Variants in MGRN1 observed in about 807,000 individuals in gnomAD.
MGRN1 encodes the protein E3 ubiquitin-protein ligase MGRN1.
A neutral mutation model predicts 69.2 loss-of-function variants in MGRN1; 29 were observed. That is an observed-to-expected ratio of 0.42 (90% confidence interval 0.31 to 0.57). MGRN1 has a LOEUF of 0.57. Among genes scored for constraint, MGRN1 ranks in the 20% least tolerant of loss-of-function variants. The pLI is 0.15. For synonymous variants in MGRN1, 470 were observed against 344.2 expected (o/e 1.37, Z -4.04); for missense variants, 998 against 796.2 (o/e 1.25, Z -3.05).
At chr16:4,671,495 A>C in intron 9 of MGRN1, 36 bp downstream of exon 9, 1 of 1,601,308 alleles carries the variant, frequency 6.2e-7, no homozygotes, top group Non-Finnish European at 8.6e-7. Flanking sequence ...CTGCCATTAC[A>C]GAAGCCCACA....
chr16:4,668,733 CACAT>C (rs1319937163), intron 8 of MGRN1, among the ~76,000 whole-genome samples: 1 of 150,936 alleles, frequency 6.6e-6, no homozygotes, highest in Non-Finnish European at 1.5e-5. Flanking sequence ...TATACATAGA[CACAT>C]ACTGATACAC....
chr16:4,651,451 G>A (rs538104055), intron 2 of MGRN1, among the ~76,000 whole-genome samples: 2 of 152,204 alleles, frequency 1.3e-5, no homozygotes, highest in South Asian at 2.1e-4. Context: ...GCCATGATAG[G>A]TGGGAAGGGG....
chr16:4,657,294 G>T lies in MGRN1; in HGVS notation c.492G>T (p.Lys164Asn). The change falls in exon 5 of 17, where the codon AAG (lysine) becomes AAT (asparagine). Residue 164 changes from lysine to asparagine, a missense_variant. Lys to Asn is a moderately conservative substitution (Grantham distance 94). Transcript: ENST00000262370. ...PSLQSETVHYKRGVSQQFSLP... is the reference protein window; with the variant it reads ...PSLQSETVHYNRGVSQQFSLP... ...TACAGTCCGAGACCGTCCACTACAA[G>T]AGAGGGGTGAGCCAGCAGTTCTCCC... The T allele has an allele frequency of 1.2e-6, 2 of 1,614,216 alleles. No homozygotes were observed. Among genetic ancestry groups the T allele is most frequent in the Non-Finnish European group, 8.5e-7 (1 of 1,180,002 alleles).
At position 4,657,229 on chromosome 16, in the gene MGRN1, C is replaced by T. The variant is rs906392369; in HGVS notation, c.444-17C>T. ...CTTCCTGCCGCAGCCTCACTGCTTGCTCCTGGCTCCCTGCAGATACAGCCC... is the reference window on the plus strand; with the variant it reads ...CTTCCTGCCGCAGCCTCACTGCTTGTTCCTGGCTCCCTGCAGATACAGCCC... On this transcript the variant is annotated splice_polypyrimidine_tract_variant and intron_variant, in intron 4 of 16. Transcript: ENST00000262370. 1 of 1,610,890 alleles carries T rather than the reference C, an allele frequency of 6.2e-7. No homozygotes were observed. The highest frequency in any genetic ancestry group is 8.5e-7 in the Non-Finnish European group (1 of 1,177,394).
At chr16:4,639,558 A>C (rs1261145507) in intron 1 of MGRN1, among the ~76,000 whole-genome samples, 3 of 152,210 alleles carry the variant, frequency 2.0e-5, no homozygotes, top group African/African-American at 7.2e-5. Context: ...GTTGTCTCCA[A>C]GGCCTGCCTA....
intron 5 of MGRN1, among the ~76,000 whole-genome samples, chr16:4,659,693 C>CT (rs1256199813): frequency 6.6e-6 from 1 of 152,278 alleles, no homozygotes; most frequent in Non-Finnish European, 1.5e-5. Context: ...GGGGCAGCTG[C>CT]TGCTGCGGGG....
intron 2 of MGRN1, 58 bp downstream of exon 2, chr16:4,650,541 G>A: frequency 7.4e-7 from 1 of 1,352,796 alleles, no homozygotes; most frequent in Non-Finnish European, 1.0e-6. Context: ...CCTGTCCCCA[G>A]CAGTCCGCAT....
rs754339979 is a variant in MGRN1, at chr16:4,681,695, C to T, written c.1277C>T (p.Ala426Val). 6.2e-7 allele frequency: 1 copy of T among 1,613,412 alleles called. No homozygotes were observed. Among genetic ancestry groups the T allele is most frequent in the South Asian group, 1.1e-5 (1 of 91,090 alleles). ...YSGISDGLSQ[A>V]SCPLAAIDHI... ...GGCATCTCGGACGGCCTGTCCCAGG[C>T]CAGCTGTCCCCTCGCGGCTATCGAC... Residue 426 changes from alanine (A) to valine (V), a missense_variant, in exon 13 of 17, where the codon GCC becomes GTC. By Grantham distance (64) the Ala-to-Val change is moderately conservative. Coordinates refer to ENST00000262370, the MANE Select transcript of MGRN1 (RefSeq NM_015246.4).
chr16:4,632,007 CTTTTTTTTTT>C (rs869090061), intron 1 of MGRN1, among the ~76,000 whole-genome samples: 6 of 64,858 alleles, frequency 9.3e-5, no homozygotes, highest in African/African-American at 3.4e-4. Context: ...AAAAAATTTC[CTTTTTTTTTT>C]TTTTTTTTTT....
At chr16:4,635,462 C>A (rs1374895161) in intron 1 of MGRN1, among the ~76,000 whole-genome samples, 2 of 151,866 alleles carry the variant, frequency 1.3e-5, no homozygotes, top group Non-Finnish European at 2.9e-5. Context: ...TTGAGGCTAA[C>A]ATATTCTTTT....
intron 4 of MGRN1, among the ~76,000 whole-genome samples, chr16:4,655,416 C>T (rs112943385): frequency 1.1e-4 from 16 of 152,310 alleles, no homozygotes; most frequent in African/African-American, 2.9e-4. Flanking sequence ...CAGTCCCCCC[C>T]TCTCAGGACC....
chr16:4,670,126 G>A (rs1419098001), intron 8 of MGRN1, among the ~76,000 whole-genome samples: 1 of 151,900 alleles, frequency 6.6e-6, no homozygotes, highest in East Asian at 1.9e-4. Flanking sequence ...ATGCAGTGGC[G>A]CGATCTCAGC....
chr16:4,672,651 G>A (rs1328329885), intron 9 of MGRN1: 7 of 347,964 alleles, frequency 2.0e-5, no homozygotes, highest in Non-Finnish European at 2.8e-5. Context: ...GGAGCAGCGG[G>A]GACTGTATAA....
intron 11 of MGRN1, among the ~76,000 whole-genome samples, chr16:4,678,785 C>G (rs1041937413): frequency 6.6e-6 from 1 of 152,214 alleles, no homozygotes; most frequent in Non-Finnish European, 1.5e-5. Context: ...TCTGCTGCCT[C>G]TCTAAACAGA....
At chr16:4,663,621 C>T (rs976457816) in intron 5 of MGRN1, among the ~76,000 whole-genome samples, 7 of 152,210 alleles carry the variant, frequency 4.6e-5, no homozygotes, top group Non-Finnish European at 7.3e-5. Context: ...GGCAGGGTCC[C>T]TGCCCTCTAT....
chr16:4,653,523 C>G (rs1041121967), intron 4 of MGRN1, among the ~76,000 whole-genome samples: 1 of 152,228 alleles, frequency 6.6e-6, no homozygotes, highest in African/African-American at 2.4e-5. Flanking sequence ...AAGCCTCACT[C>G]TGCTGCCCAG....
rs984472961 is a variant in MGRN1, at chr16:4,690,102, G to C, written c.*1194G>C. The C allele has an allele frequency of 1.3e-5, 2 of 152,408 alleles. No homozygotes were observed. The highest frequency in any genetic ancestry group is 4.8e-5 in the African/African-American group (2 of 41,478). 9.4% of individuals were successfully genotyped at this position (152,408 alleles called of 1,614,324 possible). A position where few individuals can be genotyped will look rare whatever the true frequency, so the allele number is the denominator to read the frequency against. On this transcript the variant is annotated 3_prime_UTR_variant, in exon 17 of 17. Transcript: ENST00000262370. Reference sequence around the variant, plus strand: ...CTCTGATTTGGTTTGTTCTGTCTCAGGCTTCTGTGGCAGGACTGGCCCAGG... The same window carrying C: ...CTCTGATTTGGTTTGTTCTGTCTCACGCTTCTGTGGCAGGACTGGCCCAGG...
rs763427469 is a variant in MGRN1, at chr16:4,652,749, C to G, written c.368C>G (p.Thr123Ser). 10 of 1,613,102 alleles carry G rather than the reference C, an allele frequency of 6.2e-6. No individual in the cohort carries two copies. Among genetic ancestry groups the G allele is most frequent in the Non-Finnish European group, 8.5e-6 (10 of 1,179,584 alleles). ...CGGGTGCTCTACAGCCTGGAGTTCA[C>G]CTTCGACGCCGATGCCCGCGTGGCC... ...KPRVLYSLEF[T>S]FDADARVAIT... Residue 123 changes from threonine (T) to serine (S), a missense_variant, in exon 4 of 17, where the codon ACC becomes AGC. By Grantham distance (58) the Thr-to-Ser change is moderately conservative (BLOSUM62 1). Coordinates refer to ENST00000262370, the MANE Select transcript of MGRN1 (RefSeq NM_015246.4).
intron 5 of MGRN1, chr16:4,659,165 A>AAAAAAT (rs879389931): frequency 6.6e-6 from 1 of 152,076 alleles, no homozygotes; most frequent in Non-Finnish European, 1.5e-5. Context: ...GAAGGTAAAA[A>AAAAAAT]AAAAATAAAA....
Sources: gnomAD v4.1 joint callset for allele counts (sites outside exome capture counted in the v4.1 genomes callset) on GRCh38, gnomAD v4.1.1 for gene constraint, MANE v1.5 for transcripts, NCBI Gene and HGNC (gene_info 2026-07-23, HGNC 2026-07-21) for gene names.